The following SORCS3 variants were observed in gnomAD, a reference collection of about 807,000 sequenced individuals.
SORCS3 encodes VPS10 domain-containing receptor SorCS3.
A neutral mutation model predicts 146.3 loss-of-function variants in SORCS3; 57 were observed. The observed-to-expected ratio is 0.39, with a 90% CI of 0.31 to 0.49. The LOEUF (loss-of-function observed/expected upper bound fraction) is 0.49, where lower values mean the gene tolerates loss of function less well. SORCS3 is among the 20% of genes least tolerant of loss of function. The pLI, the probability that SORCS3 is intolerant of heterozygous loss-of-function variation, is 0.92. For missense variants in SORCS3, 1,341 were observed against 1,575.5 expected, an observed-to-expected ratio of 0.85 and a Z score of 2.52; for synonymous variants, 653 against 618.5, an observed-to-expected ratio of 1.06 and a Z score of -0.83.
At chr10:105,096,789 A>G (rs1298254665) in intron 6 of SORCS3, among the ~76,000 whole-genome samples, 1 of 152,168 alleles carries the variant, frequency 6.6e-6, no homozygotes, top group Non-Finnish European at 1.5e-5. Context: ...AGTCCTTGAA[A>G]TGTGCTGTCC....
chr10:104,794,622 GGAGAGA>G (rs371695559), intron 1 of SORCS3, among the ~76,000 whole-genome samples: 9 of 41,406 alleles, frequency 2.2e-4, no homozygotes, highest in Non-Finnish European at 3.4e-4. Context: ...AGAGAGGGAG[GGAGAGA>G]GAGAGAGAGA....
intron 5 of SORCS3, among the ~76,000 whole-genome samples, chr10:105,070,594 C>T (rs1417803256): frequency 6.6e-6 from 1 of 152,188 alleles, no homozygotes. Context: ...CTTTTAAGAA[C>T]TCTACATGGA....
At chr10:105,096,520 G>T (rs2055747778) in intron 6 of SORCS3, among the ~76,000 whole-genome samples, 1 of 152,180 alleles carries the variant, frequency 6.6e-6, no homozygotes. Flanking sequence ...GATCATTGTT[G>T]CAACACATTA....
chr10:105,245,623 G>A lies in SORCS3; in HGVS notation c.2950G>A (p.Gly984Arg). Reference protein sequence around the residue: ...TDTITVQVAAGNALIQDTKEI... With the variant: ...TDTITVQVAARNALIQDTKEI... ...CACCATCACAGTCCAGGTGGCTGCT[G>A]GGAATGCCCTCATCCAGGACACAAA... Residue 984 changes from glycine (G) to arginine (R), a missense_variant, in exon 21 of 27, where the codon GGG becomes AGG. Transcript: ENST00000369701. 6.2e-7 allele frequency: 1 copy of A among 1,614,110 alleles called. No homozygotes were observed.
chr10:105,157,978 A>G (rs2056226625), intron 10 of SORCS3, among the ~76,000 whole-genome samples: 1 of 152,246 alleles, frequency 6.6e-6, no homozygotes, highest in Admixed American at 6.5e-5. Flanking sequence ...AGAAAGATTT[A>G]TTAACCACTT....
chr10:104,892,185 C>G (rs771827133), intron 2 of SORCS3, among the ~76,000 whole-genome samples: 11 of 152,050 alleles, frequency 7.2e-5, no homozygotes, highest in Admixed American at 3.3e-4. Context: ...GTTAGGAAAC[C>G]TAGATTGTAA....
intron 1 of SORCS3, among the ~76,000 whole-genome samples, chr10:104,747,451 A>C (rs1228855168): frequency 6.6e-6 from 1 of 152,196 alleles, no homozygotes; most frequent in Non-Finnish European, 1.5e-5. Flanking sequence ...AGTCACCCAC[A>C]TGAATTCTTA....
At chr10:104,901,065 TCTTC>T (rs1409977681) in intron 2 of SORCS3, among the ~76,000 whole-genome samples, 6 of 152,198 alleles carry the variant, frequency 3.9e-5, no homozygotes, top group African/African-American at 1.2e-4. Context: ...TTTCATGAAG[TCTTC>T]CTTCCTTTAC....
intron 7 of SORCS3, among the ~76,000 whole-genome samples, chr10:105,133,933 G>A (rs549667017): frequency 3.3e-5 from 5 of 152,288 alleles, no homozygotes; most frequent in African/African-American, 1.2e-4. Flanking sequence ...ACTCTAGCCT[G>A]GGTGACAGAG....
chr10:104,987,291 C>T (rs1158853075), intron 4 of SORCS3, among the ~76,000 whole-genome samples: 1 of 151,922 alleles, frequency 6.6e-6, no homozygotes, highest in African/African-American at 2.4e-5. Context: ...TAGCTAGGTC[C>T]GTTAAGATGA....
At chr10:104,716,157 T>G (rs2016473910) in intron 1 of SORCS3, among the ~76,000 whole-genome samples, 1 of 152,206 alleles carries the variant, frequency 6.6e-6, no homozygotes, top group Non-Finnish European at 1.5e-5. Flanking sequence ...GCATTATTTT[T>G]TTCTCATAAC....
intron 1 of SORCS3, among the ~76,000 whole-genome samples, chr10:104,651,127 A>C (rs76594134): frequency 0.016 from 2,373 of 152,334 alleles, 71 homozygotes; most frequent in African/African-American, 0.055. Context: ...CTTGTTTTCC[A>C]GAGTGGTGGT....
chr10:104,962,051 T>C, intron 3 of SORCS3, among the ~76,000 whole-genome samples: 1 of 152,122 alleles, frequency 6.6e-6, no homozygotes, highest in Non-Finnish European at 1.5e-5. Context: ...ATTTCAAATA[T>C]ATTTAAACAT....
chr10:105,053,671 G>A (rs1052807929), intron 5 of SORCS3, among the ~76,000 whole-genome samples: 3 of 151,702 alleles, frequency 2.0e-5, no homozygotes, highest in African/African-American at 7.3e-5. Flanking sequence ...TTTTAAAAAT[G>A]AAATTGAACA....
At chr10:104,921,326 G>A (rs1173613670) in intron 3 of SORCS3, among the ~76,000 whole-genome samples, 1 of 152,182 alleles carries the variant, frequency 6.6e-6, no homozygotes, top group East Asian at 1.9e-4. Context: ...ATGAATCTTT[G>A]AGTGGACAGA....
chr10:104,751,473 C>T (rs1402294084), intron 1 of SORCS3, among the ~76,000 whole-genome samples: 1 of 152,116 alleles, frequency 6.6e-6, no homozygotes, highest in Non-Finnish European at 1.5e-5. Flanking sequence ...GAGGCAATTG[C>T]TCTCATCCAG....
intron 1 of SORCS3, among the ~76,000 whole-genome samples, chr10:104,829,932 C>T (rs1163830030): frequency 6.6e-6 from 1 of 152,094 alleles, no homozygotes; most frequent in African/African-American, 2.4e-5. Flanking sequence ...ATGTGCAGAA[C>T]ATGAAGACTT....
At chr10:104,860,884 T>C (rs1021187071) in intron 2 of SORCS3, among the ~76,000 whole-genome samples, 1 of 152,134 alleles carries the variant, frequency 6.6e-6, no homozygotes, top group African/African-American at 2.4e-5. Context: ...AGTCCCTGAA[T>C]AAGACCTGGC....
chr10:105,191,381 A>G (rs1400655338), intron 14 of SORCS3, among the ~76,000 whole-genome samples: 1 of 152,168 alleles, frequency 6.6e-6, no homozygotes, highest in African/African-American at 2.4e-5. Flanking sequence ...AAAAGGAATA[A>G]CCTACCAAGA....
Sources: allele counts gnomAD v4.1 joint callset (sites outside exome capture counted in the v4.1 genomes callset), GRCh38; gene constraint gnomAD v4.1.1; transcripts MANE v1.5; gene names NCBI Gene and HGNC (gene_info 2026-07-23, HGNC 2026-07-21).